DLGAP4: variants seen among roughly 807,000 people sequenced by gnomAD.
DLGAP4 encodes disks large-associated protein 4.
A neutral mutation model predicts 86.9 loss-of-function variants in DLGAP4; 18 were observed. That is an observed-to-expected ratio of 0.21 (90% CI 0.14 to 0.31). DLGAP4 has a LOEUF of 0.31. Ranked by LOEUF, DLGAP4 falls within the 10% of genes least tolerant of loss-of-function variation. The pLI, the probability that DLGAP4 is intolerant of heterozygous loss-of-function variation, is 1.00. For missense variants in DLGAP4, 1,085 were observed against 1,362.6 expected, an observed-to-expected ratio of 0.80 and a Z score of 3.21; for synonymous variants, 548 against 574.3, an observed-to-expected ratio of 0.95 and a Z score of 0.65.
At chr20:36,323,468 C>G (rs1354854434) in intron 1 of DLGAP4, among the ~76,000 whole-genome samples, 2 of 152,192 alleles carry the variant, frequency 1.3e-5, no homozygotes, top group Non-Finnish European at 2.9e-5. Flanking sequence ...TAGTATTCCA[C>G]TTAGCGAATA....
intron 7 of DLGAP4, among the ~76,000 whole-genome samples, chr20:36,457,881 A>AC (rs2033919771): frequency 1.4e-5 from 2 of 140,170 alleles, no homozygotes; most frequent in East Asian, 2.1e-4. Context: ...CAAGCTATCC[A>AC]CCCCACCTCC....
chr20:36,516,015 T>C (rs866719030), intron 10 of DLGAP4, among the ~76,000 whole-genome samples: 1 of 152,222 alleles, frequency 6.6e-6, no homozygotes, highest in Middle Eastern at 3.2e-3. Context: ...AGAGTGCTGC[T>C]GGATCCCAGC....
intron 12 of DLGAP4, among the ~76,000 whole-genome samples, chr20:36,526,366 TGTG>T (rs2037761256): frequency 6.6e-6 from 1 of 152,078 alleles, no homozygotes; most frequent in Non-Finnish European, 1.5e-5. Flanking sequence ...TCTGTGACCT[TGTG>T]GTAGCCAGCC....
rs1341409069 is a variant in DLGAP4 at position 36,318,104 on chromosome 20, T to TCACA, written c.-304+11593_-304+11594insACAC. Among the ~76,000 whole-genome samples the TCACA allele has an allele frequency of 1.0e-3, 111 of 106,576 alleles. 1 individual carries two copies. Among genetic ancestry groups the TCACA allele is most frequent in the African/African-American group, 4.4e-3 (110 of 24,806 alleles). The allele number at this position is 106,576 out of a possible 152,430, so 69.9% of individuals were successfully genotyped here. A position where few individuals can be genotyped will look rare whatever the true frequency, so the allele number is the denominator to read the frequency against. ...GCTTAAAGCAGTAATAAATGTGTCC[T>TCACA]CTCACACACACACACACACACACAC... is the stretch of plus-strand genomic sequence containing the variant. On this transcript the variant is annotated intron_variant, in intron 1 of 12. Transcript: ENST00000339266.
intron 3 of DLGAP4, among the ~76,000 whole-genome samples, chr20:36,434,260 C>T (rs937109388): frequency 6.6e-6 from 1 of 152,100 alleles, no homozygotes; most frequent in Admixed American, 6.6e-5. Flanking sequence ...GCATTTTGAA[C>T]GAGATGATCT....
chr20:36,441,245 C>G (rs183938307), intron 5 of DLGAP4, among the ~76,000 whole-genome samples: 303 of 152,314 alleles, frequency 2.0e-3, no homozygotes, highest in Middle Eastern at 0.017. Flanking sequence ...TTGCCCTGCT[C>G]CAGCCATGCC....
Position 36,496,944 on chromosome 20 carries a change from C to G in DLGAP4, c.1888C>G (p.Pro630Ala), listed in dbSNP as rs2035913101. 1 of 1,614,044 alleles carries G rather than the reference C, an allele frequency of 6.2e-7. No homozygotes were observed. Among genetic ancestry groups the G allele is most frequent in the Non-Finnish European group, 8.5e-7 (1 of 1,180,028 alleles). Residue 630 changes from proline to alanine, a missense_variant, in exon 8 of 13, where the codon CCT (proline) becomes GCT (alanine). This residue lies in a region of DLGAP4 where 1,082 missense variants were observed against 1,344.1 expected (regional missense o/e 0.81). Coordinates refer to ENST00000339266, the MANE Select transcript of DLGAP4 (RefSeq NM_001365621.2). The part of the protein sequence containing the change: ...SVTRGGVAPA[P>A]EAPEPPPKHA... ...GACACGGGGTGGAGTCGCCCCAGCC[C>G]CTGAGGCCCCAGAGCCACCCCCAAA...
intron 2 of DLGAP4, among the ~76,000 whole-genome samples, chr20:36,391,708 C>T (rs916406258): frequency 2.6e-5 from 4 of 152,194 alleles, no homozygotes; most frequent in African/African-American, 9.6e-5. Context: ...CAGCGCCCAC[C>T]CTTCACCCCC....
intron 7 of DLGAP4, among the ~76,000 whole-genome samples, chr20:36,486,543 G>A (rs945927307): frequency 2.0e-5 from 3 of 152,104 alleles, no homozygotes; most frequent in African/African-American, 7.2e-5. Flanking sequence ...ATGGAATTAG[G>A]GAGGGGAGGG....
At chr20:36,473,092 G>C (rs895477167) in intron 7 of DLGAP4, 2 of 152,248 alleles carry the variant, frequency 1.3e-5, no homozygotes, top group African/African-American at 4.8e-5. Flanking sequence ...AGCTGAGCTG[G>C]AGCTGGGCTT....
intron 2 of DLGAP4, among the ~76,000 whole-genome samples, chr20:36,379,615 G>C (rs189952768): frequency 1.1e-4 from 17 of 152,292 alleles, no homozygotes; most frequent in Admixed American, 3.9e-4. Flanking sequence ...TTTTAGAGGA[G>C]AGCCTGGTGC....
rs2032879751 is a variant in DLGAP4, at chr20:36,423,298, G to A, written c.-72-8348G>A. On this transcript the variant is annotated intron_variant, in intron 2 of 12. Transcript: ENST00000339266. ...TGGTGAAACCCCGTCTCTACCAAAA[G>A]TACAAAAATTAGCCAGGCGTGGTGG... 6.0e-5 allele frequency among the ~76,000 whole-genome samples: 9 copies of A among 151,204 alleles called. No individual in the cohort carries two copies. In the South Asian group the frequency reaches 1.9e-3, roughly 32 times the overall value.
At chr20:36,408,235 T>G (rs1600491821) in intron 2 of DLGAP4, among the ~76,000 whole-genome samples, 2 of 150,732 alleles carry the variant, frequency 1.3e-5, no homozygotes, top group African/African-American at 2.4e-5. Context: ...GGTAGGGGAG[T>G]GAGAAAGGGA....
chr20:36,461,655 G>GCC, intron 7 of DLGAP4: 2 of 352,244 alleles, frequency 5.7e-6, no homozygotes, highest in South Asian at 1.3e-4. Flanking sequence ...GGAGACGGGG[G>GCC]CCGCCCCGCC....
At chr20:36,461,481 G>T in intron 7 of DLGAP4, 1 of 981,596 alleles carries the variant, frequency 1.0e-6, no homozygotes, top group Non-Finnish European at 1.2e-6. Flanking sequence ...CAAAACCGGA[G>T]CCTCGGGCCG....
At chr20:36,369,323 TG>T (rs1245653429) in intron 2 of DLGAP4, among the ~76,000 whole-genome samples, 1 of 152,150 alleles carries the variant, frequency 6.6e-6, no homozygotes, top group Non-Finnish European at 1.5e-5. Context: ...CCGGGCATGG[TG>T]GCTCAGGCCT....
intron 2 of DLGAP4, among the ~76,000 whole-genome samples, chr20:36,376,150 T>C (rs2031144620): frequency 6.6e-6 from 1 of 151,470 alleles, no homozygotes; most frequent in South Asian, 2.1e-4. Flanking sequence ...AGGCTTGAGC[T>C]ACTGTGCCCA....
At chr20:36,525,588 C>A in intron 11 of DLGAP4, 1 of 537,612 alleles carries the variant, frequency 1.9e-6, no homozygotes, top group South Asian at 2.6e-5. Context: ...GAATACCTGT[C>A]TGCTAGCATA....
rs2037732609 is a variant in DLGAP4, at chr20:36,525,990, C to T, written c.2744C>T (p.Thr915Ile). The T allele has an allele frequency of 1.2e-6, 2 of 1,613,926 alleles. No homozygotes were observed. Among genetic ancestry groups the T allele is most frequent in the East Asian group, 4.5e-5 (2 of 44,868 alleles). ...LKANSWQLVE[T>I]PEKRKEEKKP... ...GCCAACAGCTGGCAGCTGGTGGAGA[C>T]CCCCGAGAAGAGGAAGGTGAGCATG... Residue 915 changes from threonine to isoleucine, a missense_variant, in exon 12 of 13, where the codon ACC (threonine) becomes ATC (isoleucine). Coordinates refer to ENST00000339266, the MANE Select transcript of DLGAP4 (RefSeq NM_001365621.2).
Sources: allele counts gnomAD v4.1 joint callset (sites outside exome capture counted in the v4.1 genomes callset), GRCh38; gene constraint gnomAD v4.1.1; regional missense constraint gnomAD v4.1.1; transcripts MANE v1.5; gene names NCBI Gene and HGNC (gene_info 2026-07-23, HGNC 2026-07-21).